The following PCDHGB1 variants were observed in gnomAD, a reference collection of about 807,000 sequenced individuals.
PCDHGB1 encodes protocadherin gamma subfamily B, 1.
A neutral mutation model predicts 56.6 loss-of-function variants in PCDHGB1; 34 were observed. The observed-to-expected ratio is 0.60, with a 90% CI of 0.46 to 0.80. The LOEUF is 0.80. Ranked by LOEUF, PCDHGB1 falls within the 30% of genes least tolerant of loss-of-function variation. PCDHGB1 has a pLI of 0.00. For missense variants in PCDHGB1, 1,278 were observed against 1,204.6 expected (o/e 1.06, Z -0.90); for synonymous variants, 561 against 505.9 (o/e 1.11, Z -1.46).
chr5:141,365,948 C>T, intron 1 of PCDHGB1: 1 of 1,614,186 alleles, frequency 6.2e-7, no homozygotes, highest in Non-Finnish European at 8.5e-7. Context: ...CAGTGGGAAC[C>T]CTCCACTTAG....
At chr5:141,492,384 C>T (rs1001189412) in intron 1 of PCDHGB1, among the ~76,000 whole-genome samples, 1 of 152,230 alleles carries the variant, frequency 6.6e-6, no homozygotes, top group African/African-American at 2.4e-5. Context: ...AGGCCTGTTC[C>T]GGTCCACTCG....
At position 141,431,569 on chromosome 5, in the gene PCDHGB1, CGAA is replaced by C. The variant is rs780392922; in HGVS notation, c.2410-63236_2410-63234del. The C allele has an allele frequency of 1.9e-6, 3 of 1,614,000 alleles. No homozygotes were observed. The highest frequency in any genetic ancestry group is 2.7e-5 in the African/African-American group (2 of 74,932). ...TTGTAGTCAACGCTACCGACCCTGA[CGAA>C]GGAGTCAATGCGGAAGTGAGGTATT... On this transcript the variant is annotated intron_variant, in intron 1 of 3. Transcript: ENST00000523390. This position sits in a 1 kb window ranked among gnomAD's most constrained non-coding sequence, Gnocchi z 4.8.
intron 3 of PCDHGB1, among the ~76,000 whole-genome samples, chr5:141,510,553 A>G (rs1471878583): frequency 6.6e-6 from 1 of 152,162 alleles, no homozygotes; most frequent in Non-Finnish European, 1.5e-5. Context: ...TGTTTTGAGC[A>G]CTTACATCTA....
intron 1 of PCDHGB1, chr5:141,414,939 C>T (rs773327918): frequency 2.5e-6 from 4 of 1,614,090 alleles, no homozygotes; most frequent in Admixed American, 1.7e-5. Context: ...CCGCAGAGCC[C>T]GGCTACCTGG....
At chr5:141,383,956 A>T in intron 1 of PCDHGB1, 2 of 1,613,670 alleles carry the variant, frequency 1.2e-6, no homozygotes, top group South Asian at 1.1e-5. Flanking sequence ...GACGTCTTTA[A>T]GTAGCTCAAT....
Position 141,448,649 on chromosome 5 carries a change from T to C in PCDHGB1, c.2410-46158T>C, listed in dbSNP as rs181402439. 1.4e-3 allele frequency among the ~76,000 whole-genome samples: 218 copies of C among 152,220 alleles called. 1 individual carries two copies. Among genetic ancestry groups the C allele is most frequent in the African/African-American group, 5.0e-3 (206 of 41,530 alleles). On this transcript the variant is annotated intron_variant, in intron 1 of 3. Transcript: ENST00000523390. ...CTTCACATTATATCCTTTAAAAATA[T>C]TTCCATATTGGCCGGGCGCGGTGGC...
rs369103466 is a variant in PCDHGB1 at position 141,351,422 on chromosome 5, T to C, written c.1162T>C (p.Phe388Leu). ...ATGCTATACTCAGGAAGAAGTTCCT[T>C]TCAAATTAGAATCCACCTCGAAGAA... ...VTCYTQEEVP[F>L]KLESTSKNYY... The change falls in exon 1 of 4, where the codon TTC (phenylalanine) becomes CTC (leucine). Residue 388 changes from phenylalanine (F) to leucine (L), a missense_variant. Coordinates refer to ENST00000523390, the MANE Select transcript of PCDHGB1 (RefSeq NM_018922.3). 2.5e-6 allele frequency: 4 copies of C among 1,611,720 alleles called. No individual in the cohort carries two copies. The highest frequency in any genetic ancestry group is 1.3e-5 in the African/African-American group (1 of 75,000).
intron 1 of PCDHGB1, chr5:141,361,678 T>A (rs192424877): frequency 1.1e-5 from 17 of 1,613,474 alleles, no homozygotes; most frequent in Non-Finnish European, 1.4e-5. Flanking sequence ...CGGGGTGGTG[T>A]TCGCGCAGCG....
At position 141,431,110 on chromosome 5, in the gene PCDHGB1, T is replaced by G; in HGVS notation, c.2410-63697T>G. 1.2e-6 allele frequency: 2 copies of G among 1,614,168 alleles called. No individual in the cohort carries two copies. The highest frequency in any genetic ancestry group is 1.7e-6 in the Non-Finnish European group (2 of 1,180,012). On this transcript the variant is annotated intron_variant, in intron 1 of 3. Transcript: ENST00000523390. This position sits in a 1 kb window ranked among gnomAD's most constrained non-coding sequence, Gnocchi z 4.8. Reference sequence around the variant, plus strand: ...TGATGGAGGATAAAGTGAAAATATATGGAGTAGAAGTAGAAGTAAGGGACA... The same window carrying G: ...TGATGGAGGATAAAGTGAAAATATAGGGAGTAGAAGTAGAAGTAAGGGACA...
Position 141,491,608 on chromosome 5 carries a change from C to T in PCDHGB1, c.2410-3199C>T. On this transcript the variant is annotated intron_variant, in intron 1 of 3. Transcript: ENST00000523390. This position sits in a 1 kb window ranked among gnomAD's most constrained non-coding sequence, Gnocchi z 6.9. Reference sequence around the variant, plus strand: ...CTCGGACGGCAGTGACTTCACTTTTCTAAGACCCCTCAGCGTTCAGCAGCC... The same window carrying T: ...CTCGGACGGCAGTGACTTCACTTTTTTAAGACCCCTCAGCGTTCAGCAGCC... 6.2e-7 allele frequency: 1 copy of T among 1,613,942 alleles called. No individual in the cohort carries two copies. The highest frequency in any genetic ancestry group is 1.1e-5 in the South Asian group (1 of 91,086).
At chr5:141,376,617 G>A (rs1235600949) in intron 1 of PCDHGB1, 24 of 1,406,610 alleles carry the variant, frequency 1.7e-5, no homozygotes, top group Non-Finnish European at 2.2e-5. Context: ...ACCTCTTTTG[G>A]TACAGGAAGA....
intron 1 of PCDHGB1, chr5:141,424,569 C>A (rs1436039976): frequency 6.6e-6 from 1 of 151,996 alleles, no homozygotes; most frequent in African/African-American, 2.4e-5. Flanking sequence ...TCTCAAAAAC[C>A]TATTTTCAAA....
chr5:141,388,056 G>A lies in PCDHGB1; in HGVS notation c.2409+35387G>A, dbSNP rs1192724751. 2.2e-6 allele frequency: 3 copies of A among 1,386,286 alleles called. No individual in the cohort carries two copies. In the Admixed American group the frequency reaches 6.2e-5, roughly 29 times the overall value. 85.9% of individuals were successfully genotyped at this position (1,386,286 alleles called of 1,614,324 possible). A position where few individuals can be genotyped will look rare whatever the true frequency, so the allele number is the denominator to read the frequency against. On this transcript the variant is annotated intron_variant, in intron 1 of 3. Coordinates refer to ENST00000523390, the MANE Select transcript of PCDHGB1 (RefSeq NM_018922.3). ...CCTCGCCACGGACCTGGGGTTCAGC[G>A]TCCAGGAGTTACCGACTCGAAAACT...
chr5:141,443,309 C>T (rs2098379780), intron 1 of PCDHGB1, among the ~76,000 whole-genome samples: 1 of 131,436 alleles, frequency 7.6e-6, no homozygotes, highest in African/African-American at 3.4e-5. Flanking sequence ...GGCAAAAACC[C>T]ATCTCTACAA....
At chr5:141,414,099 A>C in intron 1 of PCDHGB1, 3 of 1,593,504 alleles carry the variant, frequency 1.9e-6, no homozygotes, top group Non-Finnish European at 8.5e-7. Flanking sequence ...TAAAAATATC[A>C]GAAAATCTAG....
chr5:141,469,677 T>C (rs1271778909), intron 1 of PCDHGB1, among the ~76,000 whole-genome samples: 1 of 152,246 alleles, frequency 6.6e-6, no homozygotes, highest in African/African-American at 2.4e-5. Context: ...TAAAACTACA[T>C]ATGCATTGGT....
intron 1 of PCDHGB1, chr5:141,400,083 C>T (rs1396687812): frequency 6.2e-7 from 1 of 1,614,048 alleles, no homozygotes; most frequent in Non-Finnish European, 8.5e-7. Context: ...CACTCTCCGC[C>T]ACCGCCACGC....
At chr5:141,387,316 A>G (rs1239342995) in intron 1 of PCDHGB1, among the ~76,000 whole-genome samples, 3 of 152,214 alleles carry the variant, frequency 2.0e-5, no homozygotes, top group African/African-American at 7.2e-5. Flanking sequence ...TCTAATGAGT[A>G]AGTATGGAAA....
intron 1 of PCDHGB1, chr5:141,387,784 T>A (rs2091093181): frequency 6.8e-7 from 1 of 1,472,514 alleles, no homozygotes; most frequent in East Asian, 2.4e-5. Context: ...GAACTGGAAC[T>A]GCAACTAAAG....
Sources: gnomAD v4.1 joint callset for allele counts (sites outside exome capture counted in the v4.1 genomes callset) on GRCh38, gnomAD v4.1.1 for gene constraint, Gnocchi (gnomAD v3.1) non-coding constraint, MANE v1.5 for transcripts, NCBI Gene and HGNC (gene_info 2026-07-23, HGNC 2026-07-21) for gene names.